BRDT: variants seen among roughly 807,000 people sequenced by gnomAD.
The protein encoded by BRDT is bromodomain testis-specific protein.
A neutral mutation model predicts 113.9 loss-of-function variants in BRDT; 77 were observed. That is an observed-to-expected ratio of 0.68 (90% CI 0.56 to 0.82). BRDT has a LOEUF of 0.82. Among genes scored for constraint, BRDT ranks in the 40% least tolerant of loss-of-function variants. The probability of loss-of-function intolerance (pLI) is 0.00; values close to 1 mark genes in which losing one functional copy is unlikely to be tolerated. For missense variants in BRDT, 1,027 were observed against 1,105.4 expected (o/e 0.93, Z 1.01); for synonymous variants, 358 against 366.5 (o/e 0.98, Z 0.26).
At chr1:91,959,526 G>T (rs1395278913) in intron 1 of BRDT, among the ~76,000 whole-genome samples, 1 of 151,500 alleles carries the variant, frequency 6.6e-6, no homozygotes, top group Non-Finnish European at 1.5e-5. Context: ...TGTCACCCAG[G>T]CTGGAGTGCA....
At chr1:91,997,605 A>C (rs1240191473) in intron 15 of BRDT, among the ~76,000 whole-genome samples, 1 of 152,198 alleles carries the variant, frequency 6.6e-6, no homozygotes, top group Non-Finnish European at 1.5e-5. Context: ...AATTTAAGAA[A>C]ACACCCTATC....
intron 13 of BRDT, among the ~76,000 whole-genome samples, 162 bp from the exon 14 acceptor site, chr1:91,992,102 T>C (rs1437249338): frequency 6.6e-6 from 1 of 151,534 alleles, no homozygotes; most frequent in African/African-American, 2.4e-5. Context: ...TTTGTACCCC[T>C]TCCAAACATA....
At chr1:91,961,515 G>A (rs1682441169) in intron 1 of BRDT, among the ~76,000 whole-genome samples, 1 of 152,000 alleles carries the variant, frequency 6.6e-6, no homozygotes, top group Non-Finnish European at 1.5e-5. Context: ...TGTAGTCGCA[G>A]CTACTTGGGA....
Position 92,004,539 on chromosome 1 carries a change from A to G in BRDT, c.2514A>G (p.Val838=). ...QFRKAAIEKE[V]KARTQELIRK... ...GAAAAGCAGCCATAGAAAAGGAAGT[A>G]AAAGCTCGGACACAGGAACTCATAC... Residue 838 remains valine, a synonymous_variant, in exon 17 of 19, where the codon GTA becomes GTG. Coordinates refer to ENST00000399546, the MANE Select transcript of BRDT (RefSeq NM_207189.4). The G allele has an allele frequency of 6.2e-7, 1 of 1,613,530 alleles. No individual in the cohort carries two copies. The highest frequency in any genetic ancestry group is 8.5e-7 in the Non-Finnish European group (1 of 1,179,738).
intron 6 of BRDT, 171 bp downstream of exon 6, chr1:91,977,564 C>T: frequency 1.8e-6 from 1 of 563,048 alleles, no homozygotes; most frequent in Non-Finnish European, 2.9e-6. Context: ...TTGTTTTCTT[C>T]CACTTGAACA....
intron 18 of BRDT, among the ~76,000 whole-genome samples, chr1:92,011,101 G>A (rs1687761364): frequency 6.6e-6 from 1 of 152,102 alleles, no homozygotes; most frequent in African/African-American, 2.4e-5. Context: ...TTTAGCTATA[G>A]TATTGGTTAA....
intron 3 of BRDT, among the ~76,000 whole-genome samples, chr1:91,967,644 C>T (rs1212601750): frequency 2.0e-5 from 3 of 152,152 alleles, no homozygotes; most frequent in East Asian, 1.9e-4. Context: ...GTGATCCGCC[C>T]GCTTCGGCCT....
Position 92,009,545 on chromosome 1 carries a change from C to CTTTTTTTTTTTT in BRDT, c.2775+4254_2775+4265dup, listed in dbSNP as rs59044630. 2.7e-4 allele frequency among the ~76,000 whole-genome samples: 28 copies of CTTTTTTTTTTTT among 103,408 alleles called. 3 individuals are homozygous for CTTTTTTTTTTTT. The highest frequency in any genetic ancestry group is 2.9e-4 in the Non-Finnish European group (16 of 55,356). 67.8% of individuals were successfully genotyped at this position (103,408 alleles called of 152,430 possible). On this transcript the variant is annotated intron_variant, in intron 18 of 18. Transcript: ENST00000399546. Reference sequence around the variant, plus strand: ...TGTTTGCAGGTTTTTCAACTTGCCACTTTTTTTTTTTTTTTTTTTCTCTTG... The same window carrying CTTTTTTTTTTTT: ...TGTTTGCAGGTTTTTCAACTTGCCACTTTTTTTTTTTTTTTTTTTTTTTTTTTTTTTCTCTTG...
rs1482098410 is a variant in BRDT at position 92,002,086 on chromosome 1, G to A, written c.2325G>A (p.Met775Ile). Reference protein sequence around the residue: ...SEQLSNGITVMHPSGDSDTTM... With the variant: ...SEQLSNGITVIHPSGDSDTTM... ...AGCTCTCAAATGGCATAACTGTGAT[G>A]CATCCATCTGGTGATAGTGACACAA... is the stretch of plus-strand genomic sequence containing the variant. The change falls in exon 16 of 19, where the codon ATG (methionine) becomes ATA (isoleucine). Residue 775 changes from methionine (M) to isoleucine (I), a missense_variant. Physicochemically the swap from Met to Ile is conservative, Grantham distance 10. Transcript: ENST00000399546. 8.1e-6 allele frequency: 13 copies of A among 1,613,820 alleles called. No individual in the cohort carries two copies. The highest frequency in any genetic ancestry group is 2.2e-5 in the East Asian group (1 of 44,882).
intron 1 of BRDT, among the ~76,000 whole-genome samples, chr1:91,960,711 A>G (rs1390007147): frequency 1.3e-5 from 2 of 152,258 alleles, no homozygotes; most frequent in Non-Finnish European, 2.9e-5. Context: ...GTTCAAAAAT[A>G]TAAGTGATTA....
chr1:91,974,971 T>G (rs944065395), intron 4 of BRDT, among the ~76,000 whole-genome samples: 11 of 152,198 alleles, frequency 7.2e-5, no homozygotes, highest in Non-Finnish European at 1.5e-4. Flanking sequence ...GATGAGTTCA[T>G]GTCCTTTGTA....
intron 13 of BRDT, 36 bp from the exon 14 acceptor site, chr1:91,992,228 T>C: frequency 8.9e-7 from 1 of 1,129,936 alleles, no homozygotes; most frequent in Non-Finnish European, 1.2e-6. Flanking sequence ...TAAGAGATAA[T>C]ATGATTAATG....
intron 18 of BRDT, among the ~76,000 whole-genome samples, chr1:92,007,037 C>A (rs528200250): frequency 6.6e-6 from 1 of 152,306 alleles, no homozygotes; most frequent in South Asian, 2.1e-4. Context: ...AATCCACCCA[C>A]CTTGGCCTCC....
At position 91,977,026 on chromosome 1, in the gene BRDT, G is replaced by A. The variant is rs367765022; in HGVS notation, c.619-17G>A. ...TCATCTCAAATATATTTTTGTTGTT[G>A]AATTGTTCTGTTGTAGGTTACAAAA... On this transcript the variant is annotated splice_polypyrimidine_tract_variant and intron_variant, in intron 5 of 18. Coordinates refer to ENST00000399546, the MANE Select transcript of BRDT (RefSeq NM_207189.4). 2.3e-5 allele frequency: 36 copies of A among 1,533,586 alleles called. No individual in the cohort carries two copies. The South Asian group carries it at 3.1e-4, about 13-fold the overall frequency. 95.0% of individuals were successfully genotyped at this position (1,533,586 alleles called of 1,614,324 possible).
At chr1:92,001,812 A>G (rs1686876433) in intron 15 of BRDT, among the ~76,000 whole-genome samples, 1 of 152,150 alleles carries the variant, frequency 6.6e-6, no homozygotes, top group Non-Finnish European at 1.5e-5. Context: ...GCTATATTTC[A>G]TGCTGACCAG....
intron 11 of BRDT, 91 bp from the exon 12 acceptor site, chr1:91,981,527 C>A (rs550420969): frequency 1.3e-6 from 2 of 1,559,954 alleles, no homozygotes; most frequent in Non-Finnish European, 1.7e-6. Context: ...TACAGGCATG[C>A]GCGACCATGC....
intron 12 of BRDT, among the ~76,000 whole-genome samples, chr1:91,985,250 C>T (rs531850252): frequency 2.1e-4 from 32 of 151,630 alleles, no homozygotes; most frequent in Non-Finnish European, 4.1e-4. Context: ...TTAGTAGAGA[C>T]GGGGTTTCAC....
chr1:92,009,172 G>T (rs1390061786), intron 18 of BRDT, among the ~76,000 whole-genome samples: 2 of 151,896 alleles, frequency 1.3e-5, no homozygotes, highest in Admixed American at 1.3e-4. Flanking sequence ...GCTTCTATGG[G>T]TTCAACTTTT....
chr1:91,997,577 A>T (rs1246995711), intron 15 of BRDT, among the ~76,000 whole-genome samples: 2 of 152,210 alleles, frequency 1.3e-5, no homozygotes, highest in African/African-American at 4.8e-5. Flanking sequence ...AATGTAGTCA[A>T]GGTGTTCTCT....
Sources: gnomAD v4.1 joint callset for allele counts (sites outside exome capture counted in the v4.1 genomes callset) on GRCh38, gnomAD v4.1.1 for gene constraint, MANE v1.5 for transcripts, NCBI Gene and HGNC (gene_info 2026-07-23, HGNC 2026-07-21) for gene names.